AGMO: variants seen among roughly 807,000 people sequenced by gnomAD.
AGMO encodes the protein glyceryl-ether monooxygenase.
In AGMO, 75 loss-of-function variants were observed where a neutral mutation model predicts 60.2. The ratio of observed to expected loss-of-function variants is 1.25; its 90% CI spans 1.03 to 1.51. AGMO has a LOEUF of 1.51. AGMO is among the 40% of genes most tolerant of loss of function. The probability of loss-of-function intolerance (pLI) is 0.00; values close to 1 mark genes in which losing one functional copy is unlikely to be tolerated. For missense variants in AGMO, 763 were observed against 525.5 expected, an observed-to-expected ratio of 1.45 and a Z score of -4.42; for synonymous variants, 261 against 177.1, an observed-to-expected ratio of 1.47 and a Z score of -3.76.
intron 8 of AGMO, among the ~76,000 whole-genome samples, chr7:15,390,207 G>A (rs1784080316): frequency 2.0e-5 from 3 of 151,996 alleles, no homozygotes; most frequent in African/African-American, 7.3e-5. Flanking sequence ...TAGCAAGCGA[G>A]GTAATGCACA....
In AGMO at chr7:15,334,111, T is replaced by G. The variant is rs563710475; in HGVS notation, c.1263+31403A>C. Among the ~76,000 whole-genome samples the G allele has an allele frequency of 3.3e-5, 5 of 152,090 alleles. No individual in the cohort carries two copies. In the South Asian group the frequency reaches 1.0e-3, roughly 32 times the overall value. ...CAAGTGCCTATATTTTCTTATTACC[T>G]TTGATATGTAAAAAACTCATAACAA... is the stretch of plus-strand genomic sequence containing the variant. On this transcript the variant is annotated intron_variant, in intron 12 of 12. Coordinates refer to ENST00000342526, the MANE Select transcript of AGMO (RefSeq NM_001004320.2).
chr7:15,406,475 G>A (rs1784696932), intron 5 of AGMO, among the ~76,000 whole-genome samples: 1 of 115,240 alleles, frequency 8.7e-6, no homozygotes, highest in African/African-American at 3.3e-5. Flanking sequence ...ACACATATAT[G>A]TATATGTATA....
chr7:15,426,351 A>G (rs1244445971), intron 4 of AGMO, among the ~76,000 whole-genome samples: 1 of 152,196 alleles, frequency 6.6e-6, no homozygotes, highest in Non-Finnish European at 1.5e-5. Context: ...AATTTCTTTG[A>G]AAGTTTATAG....
the AGMO span, among the ~76,000 whole-genome samples, chr7:15,182,727 A>T: frequency 6.6e-6 from 1 of 152,074 alleles, no homozygotes. Flanking sequence ...TCAACAATAC[A>T]CTTTGTCTTA....
chr7:15,148,559 CACTTATAAGTGGGA>C, the AGMO span, among the ~76,000 whole-genome samples: 307 of 152,150 alleles, frequency 2.0e-3, no homozygotes, highest in African/African-American at 7.1e-3. Context: ...GTTTAGTTCC[CACTTATAAGTGGGA>C]ATTCATGCAC....
intron 12 of AGMO, among the ~76,000 whole-genome samples, chr7:15,236,315 A>G (rs181009657): frequency 1.1e-4 from 16 of 151,458 alleles, no homozygotes; most frequent in Non-Finnish European, 1.9e-4. Flanking sequence ...AACTACATTT[A>G]CATTAAACTA....
At chr7:15,237,017 T>C (rs1439326926) in intron 12 of AGMO, among the ~76,000 whole-genome samples, 1 of 152,016 alleles carries the variant, frequency 6.6e-6, no homozygotes, top group Non-Finnish European at 1.5e-5. Context: ...TGATGAAACC[T>C]TTATTATTGA....
chr7:15,382,357 G>A (rs775995249), intron 10 of AGMO, among the ~76,000 whole-genome samples: 8 of 152,160 alleles, frequency 5.3e-5, no homozygotes, highest in South Asian at 2.1e-4. Flanking sequence ...GAATGTGCTC[G>A]GGGGAAGTGA....
chr7:15,398,006 T>C (rs1784457832), intron 5 of AGMO, among the ~76,000 whole-genome samples: 1 of 152,150 alleles, frequency 6.6e-6, no homozygotes, highest in Admixed American at 6.5e-5. Flanking sequence ...AGTCAGGACA[T>C]TGAAATCTGA....
chr7:15,300,932 G>A (rs571398789), intron 12 of AGMO, among the ~76,000 whole-genome samples: 19 of 152,192 alleles, frequency 1.2e-4, no homozygotes, highest in Admixed American at 2.6e-4. Context: ...TATATTACAA[G>A]CATCACTAAG....
intron 10 of AGMO, among the ~76,000 whole-genome samples, chr7:15,375,609 C>G (rs1157023158): frequency 7.2e-5 from 11 of 152,016 alleles, no homozygotes; most frequent in East Asian, 1.9e-4. Flanking sequence ...CTTGGCCAGA[C>G]AGGTCTCAAA....
intron 3 of AGMO, among the ~76,000 whole-genome samples, chr7:15,461,848 T>A (rs1241860600): frequency 6.6e-6 from 1 of 152,138 alleles, no homozygotes; most frequent in African/African-American, 2.4e-5. Flanking sequence ...ATAAGAATAC[T>A]GTTTTGTGGT....
At chr7:15,493,525 C>T (rs1001768967) in intron 3 of AGMO, among the ~76,000 whole-genome samples, 52 of 151,414 alleles carry the variant, frequency 3.4e-4, no homozygotes, top group South Asian at 1.9e-3. Context: ...AGGCGCCCGC[C>T]ACCACACCCG....
chr7:15,227,204 T>C (rs971336901), intron 12 of AGMO, among the ~76,000 whole-genome samples: 2 of 152,000 alleles, frequency 1.3e-5, no homozygotes, highest in Non-Finnish European at 2.9e-5. Context: ...CAGTCTAACA[T>C]AAGAGTATAT....
intron 12 of AGMO, among the ~76,000 whole-genome samples, chr7:15,234,765 C>T (rs1468766808): frequency 2.0e-5 from 3 of 152,118 alleles, no homozygotes; most frequent in Admixed American, 6.6e-5. Context: ...ATTTTATGAT[C>T]ACTGAAATTT....
intron 5 of AGMO, chr7:15,396,224 A>G: frequency 6.6e-6 from 1 of 152,616 alleles, no homozygotes; most frequent in Non-Finnish European, 1.5e-5. Context: ...TCAAGAAAGA[A>G]GCCCCACGGA....
intron 2 of AGMO, among the ~76,000 whole-genome samples, chr7:15,557,497 G>A (rs1191227572): frequency 1.3e-5 from 2 of 152,002 alleles, no homozygotes; most frequent in East Asian, 3.9e-4. Flanking sequence ...ATTGTTTTAA[G>A]AATTGATGTC....
At chr7:15,549,217 A>G (rs1784874630) in intron 2 of AGMO, among the ~76,000 whole-genome samples, 1 of 144,810 alleles carries the variant, frequency 6.9e-6, no homozygotes, top group Non-Finnish European at 1.5e-5. Context: ...AAATCATGCC[A>G]AAATGTAAAG....
rs1452913584 is a variant in AGMO, at chr7:15,549,674, T to G, written c.258-4751A>C. ...GCACCCAGATTCATAAAGCAAGTCC[T>G]GAGTGACCTACAAAGAGACTTAGAC... On this transcript the variant is annotated intron_variant, in intron 2 of 12. Coordinates refer to ENST00000342526, the MANE Select transcript of AGMO (RefSeq NM_001004320.2). Among the ~76,000 whole-genome samples, 31 of 150,234 alleles carry G rather than the reference T, an allele frequency of 2.1e-4. No individual in the cohort carries two copies. In the East Asian group the frequency reaches 5.6e-3, roughly 27 times the overall value.
Sources: allele counts gnomAD v4.1 joint callset (sites outside exome capture counted in the v4.1 genomes callset), GRCh38; gene constraint gnomAD v4.1.1; transcripts MANE v1.5; gene names NCBI Gene and HGNC (gene_info 2026-07-23, HGNC 2026-07-21).